The following AKAP6 variants were observed in gnomAD, a reference collection of about 807,000 sequenced individuals.
AKAP6 encodes the protein A-kinase anchoring protein 6, also known as A-kinase anchor protein 6.
AKAP6 carries 58 observed loss-of-function variants against 188.5 expected under a neutral mutation model. That is an observed-to-expected ratio of 0.31 (90% CI 0.25 to 0.38). AKAP6 has a LOEUF of 0.38. Among genes scored for constraint, AKAP6 ranks in the 10% least tolerant of loss-of-function variants. The probability of loss-of-function intolerance (pLI) is 1.00; values close to 1 mark genes in which losing one functional copy is unlikely to be tolerated. For missense variants in AKAP6, 2,710 were observed against 2,740.0 expected, an observed-to-expected ratio of 0.99 and a Z score of 0.24; for synonymous variants, 989 against 998.6, an observed-to-expected ratio of 0.99 and a Z score of 0.18.
intron 7 of AKAP6, among the ~76,000 whole-genome samples, chr14:32,660,773 T>C (rs1373284902): frequency 2.0e-5 from 3 of 152,132 alleles, no homozygotes; most frequent in Non-Finnish European, 4.4e-5. Flanking sequence ...ATGGAAATGC[T>C]AATTAAACTG....
chr14:32,542,015 G>C (rs1331277106), intron 3 of AKAP6, among the ~76,000 whole-genome samples: 1 of 152,130 alleles, frequency 6.6e-6, no homozygotes, highest in Admixed American at 6.6e-5. Flanking sequence ...AACGTAATAA[G>C]AGTGAACATT....
At position 32,824,321 on chromosome 14, in the gene AKAP6, T is replaced by C. The variant is rs145828903; in HGVS notation, c.6508T>C (p.Cys2170Arg). ...GGGTGACTCTGATGGAGAGGAGCCTTGTTTCTCTAGTGCTCCTCCAAATGA... is the reference window on the plus strand; with the variant it reads ...GGGTGACTCTGATGGAGAGGAGCCTCGTTTCTCTAGTGCTCCTCCAAATGA... ...VEGDSDGEEP[C>R]FSSAPPNESA... The change falls in exon 13 of 14, where the codon TGT becomes CGT. Residue 2170 changes from cysteine (C) to arginine (R), a missense_variant. By Grantham distance (180) the Cys-to-Arg change is radical. Around this residue, in one of 2 missense-constraint regions of AKAP6, gnomAD observed 2,473 missense variants for 2,426.1 expected, o/e 1.02. Transcript: ENST00000280979. 3.1e-6 allele frequency: 5 copies of C among 1,613,842 alleles called. No homozygotes were observed. The highest frequency in any genetic ancestry group is 4.2e-6 in the Non-Finnish European group (5 of 1,179,912).
chr14:32,357,237 A>G (rs113537514), intron 1 of AKAP6, among the ~76,000 whole-genome samples: 11 of 152,334 alleles, frequency 7.2e-5, no homozygotes, highest in African/African-American at 2.2e-4. Flanking sequence ...CTTCCATTCT[A>G]AATTTAGGAC....
intron 4 of AKAP6, among the ~76,000 whole-genome samples, chr14:32,560,983 A>ATATTTTCATTTTATTTT (rs1371044573): frequency 6.6e-6 from 1 of 152,216 alleles, no homozygotes; most frequent in Admixed American, 6.5e-5. Flanking sequence ...AGACACTGTT[A>ATATTTTCATTTTATTTT]CATTATATTT....
chr14:32,685,377 T>C (rs1433447629), intron 8 of AKAP6, among the ~76,000 whole-genome samples: 1 of 151,940 alleles, frequency 6.6e-6, no homozygotes, highest in Non-Finnish European at 1.5e-5. Flanking sequence ...GAAGGCTTAG[T>C]GGAGGAGGGA....
In AKAP6 at chr14:32,431,291, A is replaced by G. The variant is rs1170745618; in HGVS notation, c.-34-2169A>G. Among the ~76,000 whole-genome samples the G allele has an allele frequency of 5.9e-5, 9 of 152,214 alleles. No homozygotes were observed. In the East Asian group the frequency reaches 1.5e-3, roughly 26 times the overall value. On this transcript the variant is annotated intron_variant, in intron 1 of 13. Coordinates refer to ENST00000280979, the MANE Select transcript of AKAP6 (RefSeq NM_004274.5). ...ATTACTTGTAAAACTGAATGCAAGC[A>G]TGGTTAAAAATATGGGGTATCTGCC...
intron 7 of AKAP6, among the ~76,000 whole-genome samples, chr14:32,646,841 A>T (rs903340910): frequency 2.0e-5 from 3 of 152,150 alleles, no homozygotes; most frequent in African/African-American, 7.2e-5. Flanking sequence ...GAAAAGGAGT[A>T]CAGTGATTCA....
Position 32,549,559 on chromosome 14 carries a change from C to T in AKAP6, c.2346+2560C>T, listed in dbSNP as rs887211861. On this transcript the variant is annotated intron_variant, in intron 4 of 13. Coordinates refer to ENST00000280979, the MANE Select transcript of AKAP6 (RefSeq NM_004274.5). Reference sequence around the variant, plus strand: ...GTAGGTATGGAAAGGCCATGAAGGCCACGCCAAGGCAATTAGAATTTGTTC... The same window carrying T: ...GTAGGTATGGAAAGGCCATGAAGGCTACGCCAAGGCAATTAGAATTTGTTC... Among the ~76,000 whole-genome samples the T allele has an allele frequency of 2.5e-4, 38 of 152,124 alleles. 2 individuals are homozygous for T.
intron 12 of AKAP6, among the ~76,000 whole-genome samples, chr14:32,787,717 G>A (rs1039803605): frequency 1.3e-5 from 2 of 152,052 alleles, no homozygotes; most frequent in South Asian, 2.1e-4. Flanking sequence ...AAGTCTTTAT[G>A]CATGTCAAAA....
intron 5 of AKAP6, among the ~76,000 whole-genome samples, chr14:32,583,985 G>C: frequency 6.6e-6 from 1 of 152,202 alleles, no homozygotes; most frequent in East Asian, 1.9e-4. Flanking sequence ...TGCACCCACT[G>C]TCCTGCGCCC....
chr14:32,404,175 G>T (rs1451841976), intron 1 of AKAP6, among the ~76,000 whole-genome samples: 1 of 152,018 alleles, frequency 6.6e-6, no homozygotes, highest in Non-Finnish European at 1.5e-5. Context: ...CATCTTTATA[G>T]TTGTAGTTAA....
chr14:32,349,562 A>G (rs1170626805), intron 1 of AKAP6, among the ~76,000 whole-genome samples: 1 of 152,222 alleles, frequency 6.6e-6, no homozygotes, highest in Non-Finnish European at 1.5e-5. Context: ...ACAATTTTGG[A>G]TTAGCAGCTG....
chr14:32,668,567 T>A (rs1889047603), intron 7 of AKAP6, among the ~76,000 whole-genome samples: 1 of 152,168 alleles, frequency 6.6e-6, no homozygotes, highest in South Asian at 2.1e-4. Context: ...ATAGTGAATG[T>A]TTCTAATAAT....
intron 7 of AKAP6, among the ~76,000 whole-genome samples, chr14:32,639,838 A>T (rs1339138183): frequency 1.3e-5 from 2 of 152,116 alleles, no homozygotes; most frequent in Non-Finnish European, 2.9e-5. Flanking sequence ...ATTAGTGATT[A>T]TGAAACTGGA....
chr14:32,402,877 A>AT (rs1192874504), intron 1 of AKAP6, among the ~76,000 whole-genome samples: 1 of 151,948 alleles, frequency 6.6e-6, no homozygotes, highest in Non-Finnish European at 1.5e-5. Context: ...CTACAGGCAC[A>AT]TGCCACCACA....
At chr14:32,412,538 C>T (rs527241390) in intron 1 of AKAP6, among the ~76,000 whole-genome samples, 4 of 152,148 alleles carry the variant, frequency 2.6e-5, no homozygotes, top group Non-Finnish European at 5.9e-5. Flanking sequence ...TTTGGCAAGG[C>T]TATGTATACA....
At chr14:32,470,132 A>G (rs868462669) in intron 2 of AKAP6, among the ~76,000 whole-genome samples, 2 of 152,078 alleles carry the variant, frequency 1.3e-5, no homozygotes, top group African/African-American at 4.8e-5. Flanking sequence ...TCACTAAAAA[A>G]CCCACAAAAC....
At chr14:32,764,598 C>T (rs2032645409) in intron 11 of AKAP6, among the ~76,000 whole-genome samples, 1 of 152,070 alleles carries the variant, frequency 6.6e-6, no homozygotes, top group Admixed American at 6.6e-5. Context: ...GGGTTAAAAT[C>T]CTGCCTTTGT....
intron 2 of AKAP6, among the ~76,000 whole-genome samples, chr14:32,510,315 C>T (rs1329304648): frequency 1.3e-5 from 2 of 149,044 alleles, no homozygotes; most frequent in Non-Finnish European, 3.0e-5. Flanking sequence ...AAAAGTATTC[C>T]ATGTTCCTAT....
Sources: allele counts gnomAD v4.1 joint callset (sites outside exome capture counted in the v4.1 genomes callset), GRCh38; gene constraint gnomAD v4.1.1; regional missense constraint gnomAD v4.1.1; transcripts MANE v1.5; gene names NCBI Gene and HGNC (gene_info 2026-07-23, HGNC 2026-07-21).